DNAL1: variants seen among roughly 807,000 people sequenced by gnomAD.
The protein encoded by DNAL1 is dynein axonemal light chain 1.
Under a neutral mutation model 29.4 loss-of-function variants are expected in DNAL1, and 17 were observed. The ratio of observed to expected loss-of-function variants is 0.58; its 90% confidence interval spans 0.40 to 0.87. The LOEUF (loss-of-function observed/expected upper bound fraction) is 0.87. DNAL1 is among the 40% of genes least tolerant of loss of function. The pLI, the probability that DNAL1 is intolerant of heterozygous loss-of-function variation, is 0.00. For synonymous variants in DNAL1, 78 were observed against 76.3 expected (o/e 1.02, Z -0.12); for missense variants, 188 against 214.1 (o/e 0.88, Z 0.76).
At chr14:73,653,223 C>A (rs1891146001) in intron 1 of DNAL1, 1 of 152,166 alleles carries the variant, frequency 6.6e-6, no homozygotes, top group African/African-American at 2.4e-5. Context: ...CAGGTGAGTT[C>A]TGATTGGTTG....
rs115808095 is a variant in DNAL1 at position 73,654,063 on chromosome 14, A to G, written c.4-784A>G. 6.7e-3 allele frequency among the ~76,000 whole-genome samples: 1,021 copies of G among 152,330 alleles called. 15 individuals carry two copies. The highest frequency in any genetic ancestry group is 0.023 in the African/African-American group (955 of 41,580). On this transcript the variant is annotated intron_variant, in intron 1 of 7. Transcript: ENST00000553645. ...TATCCTCATCCTTTGCAAACATAAA[A>G]AGGAATATATGATATGAAATAAAGT...
At chr14:73,671,666 A>G in intron 5 of DNAL1, 69 bp downstream of exon 5, 1 of 1,319,704 alleles carries the variant, frequency 7.6e-7, no homozygotes, top group Non-Finnish European at 9.9e-7. Flanking sequence ...TCTTGGATAA[A>G]TTCCTTGAAA....
intron 5 of DNAL1, among the ~76,000 whole-genome samples, chr14:73,680,825 G>C (rs138615743): frequency 4.8e-4 from 73 of 152,304 alleles, no homozygotes; most frequent in Middle Eastern, 3.4e-3. Flanking sequence ...ATATGGTTTA[G>C]CCTATTGCTC....
rs1415809657 is a variant in DNAL1 at position 73,696,495 on chromosome 14, G to A, written c.*553G>A. Reference sequence around the variant, plus strand: ...AAAGATATGGTGAAAAAAGGAAAAAGTAGTATCTCAGAGACCTTCTAGTCT... The same window carrying A: ...AAAGATATGGTGAAAAAAGGAAAAAATAGTATCTCAGAGACCTTCTAGTCT... On this transcript the variant is annotated 3_prime_UTR_variant, in exon 8 of 8. Coordinates refer to ENST00000553645, the MANE Select transcript of DNAL1 (RefSeq NM_031427.4). 1.3e-5 allele frequency: 2 copies of A among 152,658 alleles called. No homozygotes were observed. The highest frequency in any genetic ancestry group is 3.9e-4 in the East Asian group (2 of 5,192). 9.5% of individuals were successfully genotyped at this position (152,658 alleles called of 1,614,324 possible).
chr14:73,671,514 A>C, intron 4 of DNAL1, 28 bp from the exon 5 acceptor site: 2 of 1,434,312 alleles, frequency 1.4e-6, no homozygotes, highest in Non-Finnish European at 1.8e-6. Flanking sequence ...ATTCTAGTAA[A>C]CAAAAAAATG....
At chr14:73,691,851 C>T (rs891134979) in intron 7 of DNAL1, among the ~76,000 whole-genome samples, 3 of 139,810 alleles carry the variant, frequency 2.1e-5, no homozygotes, top group African/African-American at 5.1e-5. Context: ...GCGCCACCCC[C>T]CCCCCCCAGC....
chr14:73,676,247 ATTTTT>A (rs201851157), intron 5 of DNAL1, among the ~76,000 whole-genome samples: 2 of 150,202 alleles, frequency 1.3e-5, no homozygotes, highest in African/African-American at 4.9e-5. Flanking sequence ...AAAAAAAAAA[ATTTTT>A]TTTTTAATTC....
chr14:73,669,957 T>C (rs1729903704), intron 4 of DNAL1, among the ~76,000 whole-genome samples: 1 of 151,144 alleles, frequency 6.6e-6, no homozygotes, highest in Admixed American at 6.7e-5. Context: ...ATTGAAGTTA[T>C]ATATGCCTGA....
chr14:73,681,770 G>T (rs1185297785), intron 5 of DNAL1, among the ~76,000 whole-genome samples: 1 of 150,210 alleles, frequency 6.7e-6, no homozygotes, highest in African/African-American at 2.5e-5. Context: ...ACTCCAGCCT[G>T]GACAACAGAG....
In DNAL1 at chr14:73,650,464, T is replaced by C. The variant is rs1367776676; in HGVS notation, c.4-4383T>C. Reference sequence around the variant, plus strand: ...CTCCTTCTAATAGATGTAAGCTCCATGAAGGCAGGAATCTCTGTTTTGTTC... The same window carrying C: ...CTCCTTCTAATAGATGTAAGCTCCACGAAGGCAGGAATCTCTGTTTTGTTC... On this transcript the variant is annotated intron_variant, in intron 1 of 7. Coordinates refer to ENST00000553645, the MANE Select transcript of DNAL1 (RefSeq NM_031427.4). Among the ~76,000 whole-genome samples, 2 of 152,208 alleles carry C rather than the reference T, an allele frequency of 1.3e-5. 1 individual carries two copies. The highest frequency in any genetic ancestry group is 3.8e-4 in the East Asian group (2 of 5,202).
chr14:73,658,500 C>T (rs981369141), intron 2 of DNAL1, among the ~76,000 whole-genome samples: 1 of 152,030 alleles, frequency 6.6e-6, no homozygotes, highest in Non-Finnish European at 1.5e-5. Flanking sequence ...GAAGTATGGT[C>T]ATTTTAATTA....
intron 5 of DNAL1, among the ~76,000 whole-genome samples, chr14:73,682,869 A>ATTTTT (rs57815202): frequency 6.9e-5 from 7 of 101,826 alleles, no homozygotes; most frequent in African/African-American, 1.7e-4. Context: ...TTTTATAGTT[A>ATTTTT]TTTTTTTTTT....
At chr14:73,668,923 C>T (rs1221751905) in intron 4 of DNAL1, among the ~76,000 whole-genome samples, 3 of 151,986 alleles carry the variant, frequency 2.0e-5, no homozygotes, top group Non-Finnish European at 2.9e-5. Context: ...GTGATCCACC[C>T]GCCTCGGCCT....
In DNAL1 at chr14:73,671,610, T is replaced by C; in HGVS notation, c.264+13T>C. 1 of 1,434,174 alleles carries C rather than the reference T, an allele frequency of 7.0e-7. No individual in the cohort carries two copies. Among genetic ancestry groups the C allele is most frequent in the East Asian group, 2.7e-5 (1 of 37,326 alleles). 88.8% of individuals were successfully genotyped at this position (1,434,174 alleles called of 1,614,324 possible). On this transcript the variant is annotated intron_variant, in intron 5 of 7. Transcript: ENST00000553645. ...CTTAAATGGACTGGTAGGTTGTTAT[T>C]TATTATTATTTTATTTATTTAATTT...
rs373594479 is a variant in DNAL1 at position 73,648,706 on chromosome 14, T to C, written c.3+3664T>C. 5.9e-5 allele frequency among the ~76,000 whole-genome samples: 9 copies of C among 151,332 alleles called. No individual in the cohort carries two copies. In the East Asian group the frequency reaches 1.2e-3, roughly 20 times the overall value. On this transcript the variant is annotated intron_variant, in intron 1 of 7. Transcript: ENST00000553645. ...CTGGGATTACAAGCGTGAGCCACCA[T>C]GCCCAGCCTTCTTGATATTCTTATT...
intron 6 of DNAL1, 79 bp downstream of exon 6, chr14:73,687,464 G>A (rs948789656): frequency 8.5e-6 from 12 of 1,418,640 alleles, no homozygotes; most frequent in Non-Finnish European, 1.1e-5. Flanking sequence ...GATGCAAAAC[G>A]AGAACGTTTA....
chr14:73,655,036 A>G (rs1191823827), intron 2 of DNAL1, among the ~76,000 whole-genome samples, 151 bp downstream of exon 2: 3 of 152,070 alleles, frequency 2.0e-5, no homozygotes, highest in Non-Finnish European at 4.4e-5. Flanking sequence ...GAACTTACAC[A>G]TATGATAAAA....
intron 6 of DNAL1, among the ~76,000 whole-genome samples, chr14:73,689,027 T>A (rs901840736): frequency 1.3e-4 from 1 of 7,892 alleles, no homozygotes; most frequent in Non-Finnish European, 2.6e-4. Context: ...AAACTTGCTG[T>A]TTTTTTTTTT....
chr14:73,681,132 T>G (rs1330279072), intron 5 of DNAL1, among the ~76,000 whole-genome samples: 2 of 151,360 alleles, frequency 1.3e-5, no homozygotes, highest in Admixed American at 6.6e-5. Context: ...GTTTGTTGTT[T>G]TTTTGCTTTT....
Sources: gnomAD v4.1 joint callset for allele counts (sites outside exome capture counted in the v4.1 genomes callset) on GRCh38, gnomAD v4.1.1 for gene constraint, MANE v1.5 for transcripts, NCBI Gene and HGNC (gene_info 2026-07-23, HGNC 2026-07-21) for gene names.